The following GARIN1A variants were observed in gnomAD, a reference collection of about 807,000 sequenced individuals.
GARIN1A encodes the protein Golgi-associated RAB2 interactor protein 1A.
the GARIN1A span, chr7:128,683,076 C>A: frequency 6.2e-7 from 1 of 1,612,296 alleles, no homozygotes; most frequent in South Asian, 1.1e-5. Flanking sequence ...GAGCCACAGC[C>A]TCTGGGAACA....
chr7:128,708,224 A>G, the GARIN1A span, among the ~76,000 whole-genome samples: 1 of 146,604 alleles, frequency 6.8e-6, no homozygotes, highest in Admixed American at 6.9e-5. Flanking sequence ...ACAAGTTCTC[A>G]CTATGTTGCC....
chr7:128,672,776 T>C, the GARIN1A span, among the ~76,000 whole-genome samples: 1 of 152,212 alleles, frequency 6.6e-6, no homozygotes, highest in Non-Finnish European at 1.5e-5. Flanking sequence ...TCTAGGGAAA[T>C]TGATTTATGC....
At chr7:128,687,756 T>C in the GARIN1A span, 1 of 152,224 alleles carries the variant, frequency 6.6e-6, no homozygotes, top group African/African-American at 2.4e-5. Context: ...CCCTTCACCA[T>C]GGGTGCCTCA....
the GARIN1A span, among the ~76,000 whole-genome samples, chr7:128,674,798 A>C: frequency 1.3e-5 from 2 of 152,276 alleles, no homozygotes; most frequent in South Asian, 2.1e-4. Context: ...ATAGTTTTAC[A>C]AAGTCTAGAA....
the GARIN1A span, among the ~76,000 whole-genome samples, chr7:128,682,097 G>A: frequency 6.6e-6 from 1 of 152,068 alleles, no homozygotes; most frequent in African/African-American, 2.4e-5. Context: ...TGCTTCCTAG[G>A]CACAGAAACA....
chr7:128,675,961 G>C, the GARIN1A span: 3 of 753,922 alleles, frequency 4.0e-6, no homozygotes, highest in Admixed American at 6.6e-5. Context: ...GCGTTCTTTA[G>C]TGCATAAACC....
At chr7:128,691,845 C>G in the GARIN1A span, 1 of 152,314 alleles carries the variant, frequency 6.6e-6, no homozygotes, top group Non-Finnish European at 1.5e-5. Context: ...CTCCTGTATC[C>G]AGTAACCACT....
the GARIN1A span, among the ~76,000 whole-genome samples, chr7:128,690,156 A>G: frequency 3.3e-5 from 5 of 152,214 alleles, no homozygotes; most frequent in African/African-American, 1.2e-4. Flanking sequence ...TCAGGGTTAA[A>G]TGGATTAAGG....
At chr7:128,680,783 T>G in the GARIN1A span, among the ~76,000 whole-genome samples, 10 of 152,226 alleles carry the variant, frequency 6.6e-5, no homozygotes, top group African/African-American at 2.2e-4. Context: ...GCCAGGCTGG[T>G]CTCGAACTCC....
chr7:128,676,092 T>C, the GARIN1A span, among the ~76,000 whole-genome samples: 1 of 149,810 alleles, frequency 6.7e-6, no homozygotes, highest in Non-Finnish European at 1.5e-5. Context: ...GGATCTCGGC[T>C]CACTGCAAGC....
chr7:128,676,852 C>T, the GARIN1A span, among the ~76,000 whole-genome samples: 2 of 151,934 alleles, frequency 1.3e-5, no homozygotes, highest in Non-Finnish European at 2.9e-5. Flanking sequence ...TAAGCCTCAG[C>T]CTCGAAATCT....
chr7:128,702,904 A>C, the GARIN1A span, among the ~76,000 whole-genome samples: 1 of 152,256 alleles, frequency 6.6e-6, no homozygotes, highest in African/African-American at 2.4e-5. Context: ...CTATTTTAAT[A>C]TCAGATGAAG....
At chr7:128,705,830 A>G in the GARIN1A span, among the ~76,000 whole-genome samples, 2 of 151,748 alleles carry the variant, frequency 1.3e-5, no homozygotes, top group Non-Finnish European at 2.9e-5. Flanking sequence ...ACGCCCAGCT[A>G]ATTTTTGTAG....
At chr7:128,703,719 G>A in the GARIN1A span, among the ~76,000 whole-genome samples, 1 of 152,052 alleles carries the variant, frequency 6.6e-6, no homozygotes, top group East Asian at 1.9e-4. Flanking sequence ...CAAGGCTGCA[G>A]TGAACTATGA....
the GARIN1A span, among the ~76,000 whole-genome samples, chr7:128,688,147 G>T: frequency 6.6e-6 from 1 of 152,024 alleles, no homozygotes; most frequent in Non-Finnish European, 1.5e-5. Flanking sequence ...GAGTAGCTGG[G>T]ATTAAAGGCA....
the GARIN1A span, chr7:128,675,840 C>G: frequency 6.2e-7 from 1 of 1,612,962 alleles, no homozygotes; most frequent in Non-Finnish European, 8.5e-7. Context: ...TGGTGACGCC[C>G]CAGTCATCAA....
chr7:128,677,856 T>C, the GARIN1A span: 3 of 1,520,028 alleles, frequency 2.0e-6, no homozygotes, highest in South Asian at 3.6e-5. Context: ...AATAAGTATA[T>C]ATAAGTATAT....
At chr7:128,676,477 A>G in the GARIN1A span, among the ~76,000 whole-genome samples, 2 of 151,718 alleles carry the variant, frequency 1.3e-5, no homozygotes, top group South Asian at 4.2e-4. Flanking sequence ...GTATATATAG[A>G]CACGTTTCCA....
At chr7:128,684,958 G>A in the GARIN1A span, 3 of 151,138 alleles carry the variant, frequency 2.0e-5, no homozygotes, top group African/African-American at 7.3e-5. Flanking sequence ...CTGGAGTGCA[G>A]TGGTGTGATC....
Sources: gnomAD v4.1 joint callset for allele counts (sites outside exome capture counted in the v4.1 genomes callset) on GRCh38, gnomAD v4.1.1 for gene constraint, MANE v1.5 for transcripts, NCBI Gene and HGNC (gene_info 2026-07-23, HGNC 2026-07-21) for gene names.